The following MYPN variants were observed in gnomAD, a reference collection of about 807,000 sequenced individuals.
MYPN encodes the protein myopalladin, also known as sarcomeric protein myopalladin, 145 kDa (MYOP).
Under a neutral mutation model 129.4 loss-of-function variants are expected in MYPN, and 63 were observed. That is an observed-to-expected ratio of 0.49 (90% CI 0.40 to 0.60). The LOEUF is 0.60. Ranked by LOEUF, MYPN falls within the 20% of genes least tolerant of loss-of-function variation. MYPN has a pLI of 0.00. For synonymous variants in MYPN, 629 were observed against 600.9 expected (o/e 1.05, Z -0.68); for missense variants, 1,596 against 1,635.4 (o/e 0.98, Z 0.42).
chr10:68,200,182 C>A (rs1448589712), intron 17 of MYPN, among the ~76,000 whole-genome samples: 1 of 152,216 alleles, frequency 6.6e-6, no homozygotes, highest in Non-Finnish European at 1.5e-5. Flanking sequence ...AGATGCTGAG[C>A]TCCTAAGGTC....
chr10:68,118,875 G>GAGGAAGGAAGGA (rs2042196254), intron 1 of MYPN, among the ~76,000 whole-genome samples: 1 of 107,262 alleles, frequency 9.3e-6, no homozygotes. Context: ...GGAAAAGAGT[G>GAGGAAGGAAGGA]ATGAAGGAAG....
At chr10:68,157,781 G>A (rs1291959561) in intron 6 of MYPN, among the ~76,000 whole-genome samples, 1 of 150,580 alleles carries the variant, frequency 6.6e-6, no homozygotes, top group East Asian at 1.9e-4. Context: ...GGTTGAAGCT[G>A]CAGTGAGCCA....
At chr10:68,116,690 C>T (rs969953739) in intron 1 of MYPN, among the ~76,000 whole-genome samples, 2 of 151,450 alleles carry the variant, frequency 1.3e-5, no homozygotes, top group South Asian at 2.1e-4. Context: ...GAGCTGAGAT[C>T]GTGCCATTGC....
At position 68,181,176 on chromosome 10, in the gene MYPN, G is replaced by A. The variant is rs1366572956; in HGVS notation, c.2703+5715G>A. On this transcript the variant is annotated intron_variant, in intron 12 of 19. Transcript: ENST00000358913. ...TACTCACAAAGGAGATGAGGCAAGG[G>A]AAAATGGAGAACACGGCATAAACCC... Among the ~76,000 whole-genome samples the A allele has an allele frequency of 4.6e-5, 7 of 152,286 alleles. No homozygotes were observed. In the East Asian group the frequency reaches 1.4e-3, roughly 29 times the overall value.
intron 2 of MYPN, among the ~76,000 whole-genome samples, chr10:68,134,567 C>A (rs1057308851): frequency 6.6e-6 from 1 of 152,106 alleles, no homozygotes; most frequent in East Asian, 1.9e-4. Flanking sequence ...GAGGCTGAGG[C>A]GGGTGGATCA....
At chr10:68,137,823 C>G (rs190768072) in intron 2 of MYPN, among the ~76,000 whole-genome samples, 2 of 152,016 alleles carry the variant, frequency 1.3e-5, no homozygotes, top group Non-Finnish European at 2.9e-5. Flanking sequence ...GCTGAATACC[C>G]AAGTTTGAAT....
intron 12 of MYPN, among the ~76,000 whole-genome samples, chr10:68,175,823 C>T (rs774476220): frequency 1.3e-5 from 2 of 152,170 alleles, no homozygotes; most frequent in African/African-American, 2.4e-5. Flanking sequence ...GGTATGATCA[C>T]GGTTCACTGC....
upstream of MYPN, among the ~76,000 whole-genome samples, chr10:68,108,095 G>GA (rs1219113187): frequency 7.9e-5 from 12 of 152,136 alleles, no homozygotes; most frequent in Non-Finnish European, 1.5e-4. Flanking sequence ...TTAGGTAAGA[G>GA]AAAAAATAAA....
At chr10:68,137,923 A>G (rs1262583242) in intron 2 of MYPN, among the ~76,000 whole-genome samples, 1 of 152,188 alleles carries the variant, frequency 6.6e-6, no homozygotes, top group Non-Finnish European at 1.5e-5. Context: ...TAAACATCAC[A>G]CAAGTGTTCT....
intron 13 of MYPN, among the ~76,000 whole-genome samples, chr10:68,191,216 C>CTTTT (rs56335317): frequency 2.8e-5 from 4 of 144,336 alleles, no homozygotes; most frequent in Admixed American, 6.9e-5. Context: ...TTTTCTATTT[C>CTTTT]TTTTTTTTTT....
intron 1 of MYPN, among the ~76,000 whole-genome samples, chr10:68,116,041 A>G (rs1305550883): frequency 6.6e-6 from 1 of 152,106 alleles, no homozygotes; most frequent in African/African-American, 2.4e-5. Flanking sequence ...TCTTCCCAAC[A>G]TTAATATTTT....
chr10:68,127,576 G>A (rs1365120863), intron 2 of MYPN, among the ~76,000 whole-genome samples: 2 of 150,010 alleles, frequency 1.3e-5, no homozygotes, highest in Non-Finnish European at 3.0e-5. Flanking sequence ...CTCATGATCT[G>A]CCTGCCTCGG....
At chr10:68,143,309 A>G (rs966151790) in intron 3 of MYPN, among the ~76,000 whole-genome samples, 194 bp downstream of exon 3, 1 of 152,222 alleles carries the variant, frequency 6.6e-6, no homozygotes, top group Non-Finnish European at 1.5e-5. Flanking sequence ...GACAGAAAAT[A>G]AACAAGATAA....
At chr10:68,100,893 T>C (rs1400163246) in intron 1 of MYPN, among the ~76,000 whole-genome samples, 1 of 150,818 alleles carries the variant, frequency 6.6e-6, no homozygotes, top group Non-Finnish European at 1.5e-5. Context: ...CTTAATAGTA[T>C]TTTTGTGTTA....
In MYPN at chr10:68,189,064, C is replaced by G. The variant is rs149887823; in HGVS notation, c.2863C>G (p.Arg955Gly). Residue 955 changes from arginine (R) to glycine (G), a missense_variant, in exon 13 of 20, where the codon CGG becomes GGG. By Grantham distance (125) the Arg-to-Gly change is moderately radical (BLOSUM62 -2). Transcript: ENST00000358913. ...CTTTGACAAGAGACTCAAGCACTTC[C>G]GGGTCACAGAAGGCTCTCCAGTTAC... ...PIFDKRLKHFRVTEGSPVTFT... is the reference protein window; with the variant it reads ...PIFDKRLKHFGVTEGSPVTFT... The G allele has an allele frequency of 7.4e-6, 12 of 1,614,014 alleles. No individual in the cohort carries two copies. The East Asian group carries it at 2.7e-4, about 36-fold the overall frequency.
chr10:68,201,594 C>T (rs530010434), intron 17 of MYPN, among the ~76,000 whole-genome samples: 220 of 1,208 alleles, frequency 0.18, no homozygotes, highest in African/African-American at 0.26. Flanking sequence ...TGACGAAACC[C>T]CTATCTCTCC....
At chr10:68,180,906 G>A (rs1227297131) in intron 12 of MYPN, among the ~76,000 whole-genome samples, 1 of 152,226 alleles carries the variant, frequency 6.6e-6, no homozygotes, top group East Asian at 1.9e-4. Flanking sequence ...TCAGCCTGAA[G>A]AGGATTATCT....
intron 1 of MYPN, among the ~76,000 whole-genome samples, chr10:68,120,987 T>C (rs2042232083): frequency 6.6e-6 from 1 of 152,122 alleles, no homozygotes; most frequent in African/African-American, 2.4e-5. Flanking sequence ...TCTTTAAAGT[T>C]TGTAAAAGGG....
chr10:68,206,656 T>C (rs2043820381), intron 18 of MYPN, 114 bp from the exon 19 acceptor site: 1 of 1,411,836 alleles, frequency 7.1e-7, no homozygotes, highest in African/African-American at 1.4e-5. Context: ...CACCTTCAAA[T>C]TTGTCTTGAT....
Sources: allele counts gnomAD v4.1 joint callset (sites outside exome capture counted in the v4.1 genomes callset), GRCh38; gene constraint gnomAD v4.1.1; transcripts MANE v1.5; gene names NCBI Gene and HGNC (gene_info 2026-07-23, HGNC 2026-07-21).